The following GCNT4 variants were observed in gnomAD, a reference collection of about 807,000 sequenced individuals.
GCNT4 encodes the protein beta-1,3-galactosyl-O-glycosyl-glycoprotein beta-1,6-N-acetylglucosaminyltransferase 4.
Under a neutral mutation model 31.3 loss-of-function variants are expected in GCNT4, and 17 were observed. The ratio of observed to expected loss-of-function variants is 0.54; its 90% confidence interval spans 0.37 to 0.81. The LOEUF (loss-of-function observed/expected upper bound fraction) is 0.81, where lower values mean the gene tolerates loss of function less well. Ranked by LOEUF, GCNT4 falls within the 40% of genes least tolerant of loss-of-function variation. The probability of loss-of-function intolerance (pLI) is 0.00; values close to 1 mark genes in which losing one functional copy is unlikely to be tolerated. For missense variants in GCNT4, 503 were observed against 525.5 expected (o/e 0.96, Z 0.42); for synonymous variants, 158 against 190.6 (o/e 0.83, Z 1.41).
Position 75,029,359 on chromosome 5 carries a change from A to C in GCNT4, c.679T>G (p.Cys227Gly), listed in dbSNP as rs769637279. 1.2e-6 allele frequency: 2 copies of C among 1,614,036 alleles called. No homozygotes were observed. Among genetic ancestry groups the C allele is most frequent in the Admixed American group, 1.7e-5 (1 of 60,006 alleles). The change falls in exon 4 of 4, where the codon TGT becomes GGT. Residue 227 changes from cysteine to glycine, a missense_variant. Coordinates refer to ENST00000652361, the MANE Select transcript of GCNT4 (RefSeq NM_001366737.1). ...GACTTCAGGGGAAAATCTTGCCCAC[A>C]CAAGTTGATAACATATTTCCACTGG... The part of the protein sequence containing the change: ...SIQWKYVINL[C>G]GQDFPLKSNF...
At chr5:75,019,478 A>C in the GCNT4 span, among the ~76,000 whole-genome samples, 1 of 152,230 alleles carries the variant, frequency 6.6e-6, no homozygotes, top group Non-Finnish European at 1.5e-5. Context: ...CGCAAAAAGC[A>C]CAGGTTGGGT....
intron 3 of GCNT4, among the ~76,000 whole-genome samples, chr5:75,034,072 C>T (rs1295220284): frequency 6.6e-6 from 1 of 152,210 alleles, no homozygotes; most frequent in Non-Finnish European, 1.5e-5. Flanking sequence ...TTCCTTTCCC[C>T]AAAGAGGTGC....
At chr5:75,034,211 C>T (rs984143506) in intron 3 of GCNT4, among the ~76,000 whole-genome samples, 1 of 152,120 alleles carries the variant, frequency 6.6e-6, no homozygotes, top group African/African-American at 2.4e-5. Flanking sequence ...ACCACCGGTC[C>T]CCAACCTTGG....
downstream of GCNT4, among the ~76,000 whole-genome samples, chr5:75,024,409 G>T (rs1213065044): frequency 6.6e-6 from 1 of 152,124 alleles, no homozygotes; most frequent in Admixed American, 6.5e-5. Context: ...CCTTGAGATG[G>T]ATTGAGATTT....
chr5:75,027,981 C>T lies in GCNT4; in HGVS notation c.*695G>A. 2.0e-5 allele frequency: 3 copies of T among 152,348 alleles called. No individual in the cohort carries two copies. Among genetic ancestry groups the T allele is most frequent in the African/African-American group, 7.3e-5 (3 of 41,228 alleles). The allele number at this position is 152,348 out of a possible 1,614,324, so 9.4% of individuals were successfully genotyped here. On this transcript the variant is annotated 3_prime_UTR_variant, in exon 4 of 4. Transcript: ENST00000652361. ...ATGTTGTATAAATCCCTTCGCTCCT[C>T]TTTAGGTACTACCTGTCCCAACCCA...
intron 3 of GCNT4, among the ~76,000 whole-genome samples, chr5:75,034,533 G>A (rs1376514665): frequency 6.6e-6 from 1 of 152,216 alleles, no homozygotes; most frequent in Non-Finnish European, 1.5e-5. Context: ...TTATGGGCAG[G>A]AAGCAGGCAA....
chr5:75,017,856 T>C, the GCNT4 span, among the ~76,000 whole-genome samples: 1 of 152,162 alleles, frequency 6.6e-6, no homozygotes, highest in Non-Finnish European at 1.5e-5. Context: ...TATGAATCCC[T>C]GCACCTAAGC....
chr5:75,020,805 A>C (rs910446767), downstream of GCNT4, among the ~76,000 whole-genome samples: 2 of 152,204 alleles, frequency 1.3e-5, no homozygotes, highest in Non-Finnish European at 2.9e-5. Context: ...AAATAATTTG[A>C]TATCTAGAAT....
Position 75,026,420 on chromosome 5 carries a change from G to A in GCNT4, c.*2256C>T, listed in dbSNP as rs1341611235. 3 of 152,058 alleles carry A rather than the reference G, an allele frequency of 2.0e-5. No individual in the cohort carries two copies. The highest frequency in any genetic ancestry group is 4.4e-5 in the Non-Finnish European group (3 of 68,012). The allele number at this position is 152,058 out of a possible 1,614,324, so 9.4% of individuals were successfully genotyped here. On this transcript the variant is annotated 3_prime_UTR_variant, in exon 4 of 4. Coordinates refer to ENST00000652361, the MANE Select transcript of GCNT4 (RefSeq NM_001366737.1). ...ATTGGCTTAGAAAGAAACCCCAAAT[G>A]GGGTTACAGGAGTTTCCTCAGATCT...
chr5:75,024,564 G>C (rs543557045), downstream of GCNT4, among the ~76,000 whole-genome samples: 16 of 152,266 alleles, frequency 1.1e-4, no homozygotes, highest in Admixed American at 6.5e-4. Flanking sequence ...GCTCAGTAGA[G>C]CTGGGAGAAC....
chr5:75,030,716 T>C (rs1743042565), intron 3 of GCNT4: 1 of 167,114 alleles, frequency 6.0e-6, no homozygotes, highest in African/African-American at 2.4e-5. Context: ...GATTTTTCAC[T>C]GAGAGTAGTA....
chr5:75,034,150 G>C lies in GCNT4; in HGVS notation c.-1-4112C>G, dbSNP rs559064975. Among the ~76,000 whole-genome samples, 118 of 152,338 alleles carry C rather than the reference G, an allele frequency of 7.7e-4. No homozygotes were observed. In the Middle Eastern group the frequency reaches 0.01, roughly 13 times the overall value. On this transcript the variant is annotated intron_variant, in intron 3 of 3. Transcript: ENST00000652361. ...AAAAGGGGATGTTGGCCTCTTCCCAGCTGCGGTGGGCACTAATAGTGAGGG... is the reference window on the plus strand; with the variant it reads ...AAAAGGGGATGTTGGCCTCTTCCCACCTGCGGTGGGCACTAATAGTGAGGG...
chr5:75,023,005 C>T (rs1742899274), downstream of GCNT4, among the ~76,000 whole-genome samples: 2 of 152,176 alleles, frequency 1.3e-5, no homozygotes, highest in Admixed American at 1.3e-4. Flanking sequence ...TTGCCCACCA[C>T]CCCATAGTTG....
In GCNT4 at chr5:75,033,490, C is replaced by T. The variant is rs536469785; in HGVS notation, c.-1-3452G>A. ...TAGGAAAATGGGACAGCCCAGGCAC[C>T]TCGCTTTCTGATATACCTTCGCCCA... is the stretch of plus-strand genomic sequence containing the variant. On this transcript the variant is annotated intron_variant, in intron 3 of 3. Transcript: ENST00000652361. 1.4e-4 allele frequency among the ~76,000 whole-genome samples: 22 copies of T among 152,196 alleles called. 1 individual carries two copies. The South Asian group carries it at 4.6e-3, about 32-fold the overall frequency.
intron 3 of GCNT4, among the ~76,000 whole-genome samples, chr5:75,041,684 T>TAACAAC (rs964932527): frequency 3.9e-5 from 6 of 151,962 alleles, no homozygotes; most frequent in Admixed American, 2.6e-4. Flanking sequence ...TGTAGCAATG[T>TAACAAC]AACAACAACA....
At chr5:75,052,836 A>T (rs1004236357), upstream of GCNT4, 4 of 152,504 alleles carry the variant, frequency 2.6e-5, no homozygotes, top group African/African-American at 9.7e-5. Context: ...AGCGTCACGA[A>T]GCCGGGCTCA....
At chr5:75,046,468 C>G (rs145038601) in intron 3 of GCNT4, among the ~76,000 whole-genome samples, 1 of 152,210 alleles carries the variant, frequency 6.6e-6, no homozygotes, top group African/African-American at 2.4e-5. Flanking sequence ...ACTGTCCCCC[C>G]TCTGCTTCAA....
At chr5:75,030,141 C>T (rs1371486589) in intron 3 of GCNT4, 103 bp from the exon 4 acceptor site, 16 of 1,031,926 alleles carry the variant, frequency 1.6e-5, no homozygotes, top group Admixed American at 4.9e-5. Context: ...GCAAATGCTG[C>T]CCCAAAGATG....
downstream of GCNT4, among the ~76,000 whole-genome samples, chr5:75,022,035 T>C (rs576412908): frequency 9.9e-5 from 15 of 151,978 alleles, no homozygotes; most frequent in Non-Finnish European, 1.8e-4. Context: ...CTCCTTAGAG[T>C]TCATAATTTT....
Sources: gnomAD v4.1 joint callset for allele counts (sites outside exome capture counted in the v4.1 genomes callset) on GRCh38, gnomAD v4.1.1 for gene constraint, MANE v1.5 for transcripts, NCBI Gene and HGNC (gene_info 2026-07-23, HGNC 2026-07-21) for gene names.